Variants in CCDC93 observed in about 807,000 individuals in gnomAD.
CCDC93 encodes the protein coiled-coil domain-containing protein 93.
Under a neutral mutation model 108.2 loss-of-function variants are expected in CCDC93, and 61 were observed. That is an observed-to-expected ratio of 0.56 (90% CI 0.46 to 0.70). The LOEUF is 0.70. CCDC93 is among the 30% of genes least tolerant of loss of function. CCDC93 has a pLI of 0.00. For missense variants in CCDC93, 685 were observed against 764.2 expected (o/e 0.90, Z 1.22); for synonymous variants, 276 against 260.4 (o/e 1.06, Z -0.58).
Position 117,975,179 on chromosome 2 carries a change from A to C in CCDC93, c.750+9T>G, listed in dbSNP as rs773540562. ...CAGAAACCTCAGAGGGCCTACATGG[A>C]CCACACACCTCTTCAGCTGCTCGAA... is the stretch of plus-strand genomic sequence containing the variant. On this transcript the variant is annotated intron_variant, in intron 9 of 23. Coordinates refer to ENST00000376300, the MANE Select transcript of CCDC93 (RefSeq NM_019044.5). 15 of 1,610,462 alleles carry C rather than the reference A, an allele frequency of 9.3e-6. No homozygotes were observed. The highest frequency in any genetic ancestry group is 5.0e-5 in the Admixed American group (3 of 59,916).
rs1331884582 is a variant in CCDC93 at position 117,978,994 on chromosome 2, C to T, written c.621-964G>A. On this transcript the variant is annotated intron_variant, in intron 7 of 23. Transcript: ENST00000376300. ...CTGGACTCCAGCCTGGGTGACAGAG[C>T]AAGACTCTGTCTCAAAAATAAATAA... 1.3e-5 allele frequency among the ~76,000 whole-genome samples: 2 copies of T among 152,134 alleles called. 1 individual carries two copies. Among genetic ancestry groups the T allele is most frequent in the East Asian group, 3.8e-4 (2 of 5,202 alleles).
chr2:117,939,505 T>A (rs922031269), intron 19 of CCDC93, among the ~76,000 whole-genome samples: 1 of 152,234 alleles, frequency 6.6e-6, no homozygotes, highest in Non-Finnish European at 1.5e-5. Context: ...CAGATGATTT[T>A]AACCTGTGTG....
At chr2:117,923,309 G>A (rs1195554919) in intron 23 of CCDC93, among the ~76,000 whole-genome samples, 1 of 152,178 alleles carries the variant, frequency 6.6e-6, no homozygotes, top group East Asian at 1.9e-4. Flanking sequence ...AGCCGAGGCA[G>A]GGTGAGGCAT....
intron 6 of CCDC93, among the ~76,000 whole-genome samples, chr2:117,988,147 T>A (rs1408334899): frequency 6.6e-6 from 1 of 151,390 alleles, no homozygotes; most frequent in African/African-American, 2.4e-5. Context: ...GTATTTATTT[T>A]ATTTTATTTT....
chr2:117,923,505 G>A (rs558646906), intron 23 of CCDC93, among the ~76,000 whole-genome samples: 1 of 152,316 alleles, frequency 6.6e-6, no homozygotes, highest in East Asian at 1.9e-4. Context: ...CGCCCATGGA[G>A]CTTCACTCAT....
At chr2:117,999,653 G>T (rs1184710645) in intron 4 of CCDC93, among the ~76,000 whole-genome samples, 1 of 152,094 alleles carries the variant, frequency 6.6e-6, no homozygotes. Flanking sequence ...TTAATCCACA[G>T]ATGCTCAAGT....
rs763379685 is a variant in CCDC93, at chr2:117,935,526, A to G, written c.1697T>C (p.Ile566Thr). Residue 566 changes from isoleucine (I) to threonine (T), a missense_variant, in exon 22 of 24, where the codon ATT becomes ACT. Physicochemically the swap from Ile to Thr is moderately conservative, Grantham distance 89 (BLOSUM62 -1). Transcript: ENST00000376300. The part of the protein sequence containing the change: ...RDQFLRQMEQ[I>T]VEGIKQSRMK... ...TCTACTTTGCTTAATTCCTTCCACA[A>G]TCTGTTCCATCTGACGTAAAAACTG... 7 of 1,613,770 alleles carry G rather than the reference A, an allele frequency of 4.3e-6. No individual in the cohort carries two copies. The highest frequency in any genetic ancestry group is 5.9e-6 in the Non-Finnish European group (7 of 1,179,786).
chr2:117,966,238 G>C (rs1349319171), intron 11 of CCDC93, among the ~76,000 whole-genome samples: 5 of 152,192 alleles, frequency 3.3e-5, no homozygotes, highest in African/African-American at 1.2e-4. Flanking sequence ...GGCAACAATG[G>C]GCCTGGGGAG....
chr2:117,949,982 A>G, intron 13 of CCDC93: 1 of 985,296 alleles, frequency 1.0e-6, no homozygotes, highest in Non-Finnish European at 1.2e-6. Context: ...ATGAAACCTG[A>G]CTCTCTTAAA....
chr2:117,970,128 A>G (rs1415011965), intron 11 of CCDC93, among the ~76,000 whole-genome samples: 1 of 152,222 alleles, frequency 6.6e-6, no homozygotes, highest in Non-Finnish European at 1.5e-5. Flanking sequence ...CAAATAACAA[A>G]AACACCATGC....
intron 3 of CCDC93, among the ~76,000 whole-genome samples, chr2:118,003,239 G>A (rs1451402235): frequency 6.6e-6 from 1 of 152,200 alleles, no homozygotes; most frequent in East Asian, 1.9e-4. Flanking sequence ...GCTTGGTAGT[G>A]AAGCACTAAC....
intron 11 of CCDC93, among the ~76,000 whole-genome samples, chr2:117,972,872 C>T (rs1679808384): frequency 6.6e-6 from 1 of 152,172 alleles, no homozygotes; most frequent in African/African-American, 2.4e-5. Context: ...ACAGGACACT[C>T]TGGATTCTAT....
intron 3 of CCDC93, among the ~76,000 whole-genome samples, chr2:118,004,997 A>C (rs1251962449): frequency 1.3e-5 from 2 of 152,138 alleles, no homozygotes; most frequent in Non-Finnish European, 2.9e-5. Context: ...AGCAAAACTT[A>C]TAAATAGTCA....
At position 117,996,329 on chromosome 2, in the gene CCDC93, C is replaced by A. The variant is rs1558801559; in HGVS notation, c.397G>T (p.Glu133Ter). 8 of 1,613,814 alleles carry A rather than the reference C, an allele frequency of 5.0e-6. No homozygotes were observed. The highest frequency in any genetic ancestry group is 6.8e-6 in the Non-Finnish European group (8 of 1,179,734). ...LVKRAIETKE[E>*]MGDYIRSYSV... The stretch of plus-strand genomic sequence containing the variant: ...TAGGAGCGGATATAGTCACCCATCT[C>A]TTCTTTTGTTTCTATAGCTCGTTTC... Residue 133 changes from glutamate (E) to a stop codon, truncating the protein, a stop_gained, in exon 5 of 24, where the codon GAG becomes TAG. Transcript: ENST00000376300. LOFTEE classifies it high-confidence loss of function.
intron 4 of CCDC93, among the ~76,000 whole-genome samples, chr2:118,000,420 G>A (rs1338732181): frequency 6.6e-6 from 1 of 152,186 alleles, no homozygotes; most frequent in African/African-American, 2.4e-5. Context: ...CAAAAGCACT[G>A]TGACAGGTGG....
In CCDC93 at chr2:117,932,250, T is replaced by C. The variant is rs138060560; in HGVS notation, c.1729-1100A>G. Among the ~76,000 whole-genome samples, 96 of 152,334 alleles carry C rather than the reference T, an allele frequency of 6.3e-4. No individual in the cohort carries two copies. In the East Asian group the frequency reaches 0.015, roughly 24 times the overall value. On this transcript the variant is annotated intron_variant, in intron 22 of 23. Coordinates refer to ENST00000376300, the MANE Select transcript of CCDC93 (RefSeq NM_019044.5). ...CTCATGGCCGGTGCTCAAAAGCTTG[T>C]TGAATCAAATTCTGAGAGATGCTTT...
At chr2:117,949,047 G>A (rs1284199789) in intron 14 of CCDC93, among the ~76,000 whole-genome samples, 1 of 152,198 alleles carries the variant, frequency 6.6e-6, no homozygotes, top group African/African-American at 2.4e-5. Flanking sequence ...GTACTATGAA[G>A]GTATGACCAT....
chr2:117,963,099 G>A (rs1196305403), intron 11 of CCDC93, among the ~76,000 whole-genome samples: 1 of 152,136 alleles, frequency 6.6e-6, no homozygotes, highest in Admixed American at 6.6e-5. Flanking sequence ...TCAATCCTAG[G>A]CCTCAAATAG....
chr2:117,972,443 G>A (rs1377037911), intron 11 of CCDC93, among the ~76,000 whole-genome samples: 3 of 152,116 alleles, frequency 2.0e-5, no homozygotes, highest in African/African-American at 4.8e-5. Flanking sequence ...CAGAATAACT[G>A]GGGAAGTCAG....
Sources: gnomAD v4.1 joint callset for allele counts (sites outside exome capture counted in the v4.1 genomes callset) on GRCh38, gnomAD v4.1.1 for gene constraint, MANE v1.5 for transcripts, NCBI Gene and HGNC (gene_info 2026-07-23, HGNC 2026-07-21) for gene names.